The following L3MBTL4 variants were observed in gnomAD, a reference collection of about 807,000 sequenced individuals.
L3MBTL4 encodes lethal(3)malignant brain tumor-like protein 4.
In L3MBTL4, 70 loss-of-function variants were observed where a neutral mutation model predicts 84.5. The observed-to-expected ratio is 0.83, with a 90% CI of 0.68 to 1.01. L3MBTL4 has a LOEUF of 1.01. Among genes scored for constraint, L3MBTL4 ranks in the 50% least tolerant of loss-of-function variants. L3MBTL4 has a pLI of 0.00. For synonymous variants in L3MBTL4, 274 were observed against 259.8 expected (o/e 1.05, Z -0.52); for missense variants, 715 against 754.8 (o/e 0.95, Z 0.62).
intron 10 of L3MBTL4, among the ~76,000 whole-genome samples, chr18:6,237,506 T>G (rs71360024): frequency 7.2e-6 from 1 of 138,332 alleles, no homozygotes; most frequent in Admixed American, 7.7e-5. Context: ...CCCAGGCTGG[T>G]GTGCAGTGAC....
chr18:6,063,375 G>T (rs1410169618), intron 16 of L3MBTL4, among the ~76,000 whole-genome samples: 2 of 148,832 alleles, frequency 1.3e-5, no homozygotes, highest in East Asian at 2.0e-4. Flanking sequence ...CCTTTGGGTA[G>T]ATACCCAGTA....
chr18:6,072,578 C>T (rs567309229), intron 16 of L3MBTL4, among the ~76,000 whole-genome samples: 5 of 151,490 alleles, frequency 3.3e-5, no homozygotes, highest in South Asian at 4.2e-4. Context: ...CGGTGGCTCA[C>T]GCTTGTAATC....
intron 15 of L3MBTL4, among the ~76,000 whole-genome samples, chr18:6,083,639 C>G (rs1598688874): frequency 6.6e-6 from 1 of 152,182 alleles, no homozygotes; most frequent in African/African-American, 2.4e-5. Flanking sequence ...CAGGGATGTA[C>G]TACTGTTGCA....
At chr18:6,078,429 A>G (rs2057939868) in intron 16 of L3MBTL4, among the ~76,000 whole-genome samples, 3 of 145,576 alleles carry the variant, frequency 2.1e-5, no homozygotes, top group African/African-American at 7.8e-5. Flanking sequence ...TCCACCTCAA[A>G]AAAAAAAAAC....
intron 16 of L3MBTL4, among the ~76,000 whole-genome samples, chr18:6,078,242 C>T (rs1427698981): frequency 6.6e-6 from 1 of 150,698 alleles, no homozygotes; most frequent in Non-Finnish European, 1.5e-5. Context: ...GCCTGGGCAA[C>T]ATGGTGAAAC....
At chr18:6,323,606 A>T (rs986792473) in intron 1 of L3MBTL4, among the ~76,000 whole-genome samples, 4 of 152,234 alleles carry the variant, frequency 2.6e-5, no homozygotes, top group Non-Finnish European at 5.9e-5. Context: ...ATCTGGTGGA[A>T]AAAGTTCCTA....
At chr18:6,235,171 G>T (rs529727565) in intron 10 of L3MBTL4, among the ~76,000 whole-genome samples, 1 of 152,214 alleles carries the variant, frequency 6.6e-6, no homozygotes, top group African/African-American at 2.4e-5. Flanking sequence ...CCTGTTGTGG[G>T]GTTGGGAGCA....
At chr18:6,332,765 C>T (rs2052107568) in intron 1 of L3MBTL4, among the ~76,000 whole-genome samples, 1 of 152,240 alleles carries the variant, frequency 6.6e-6, no homozygotes, top group Non-Finnish European at 1.5e-5. Context: ...CACCCCAGTA[C>T]TGCTGCTCAG....
At chr18:6,209,269 A>G (rs577201678) in intron 12 of L3MBTL4, among the ~76,000 whole-genome samples, 2 of 152,246 alleles carry the variant, frequency 1.3e-5, no homozygotes, top group East Asian at 3.9e-4. Flanking sequence ...TACTACTTCT[A>G]TTACTTCTGA....
intron 16 of L3MBTL4, among the ~76,000 whole-genome samples, chr18:5,983,956 G>A (rs1375064193): frequency 6.6e-6 from 1 of 152,144 alleles, no homozygotes; most frequent in Non-Finnish European, 1.5e-5. Context: ...CTAACACCCA[G>A]GCTGGAGTGC....
At chr18:6,073,633 G>C (rs966611675) in intron 16 of L3MBTL4, among the ~76,000 whole-genome samples, 7 of 152,096 alleles carry the variant, frequency 4.6e-5, no homozygotes, top group African/African-American at 1.7e-4. Flanking sequence ...TAAAACACAG[G>C]GAGTTCTCAC....
At chr18:6,036,579 T>G (rs1171123495) in intron 16 of L3MBTL4, among the ~76,000 whole-genome samples, 1 of 152,216 alleles carries the variant, frequency 6.6e-6, no homozygotes, top group African/African-American at 2.4e-5. Context: ...CTTTAAAGTC[T>G]TTGGTGGAAA....
At chr18:5,978,661 T>C (rs1386027335) in intron 16 of L3MBTL4, among the ~76,000 whole-genome samples, 1 of 152,114 alleles carries the variant, frequency 6.6e-6, no homozygotes, top group Non-Finnish European at 1.5e-5. Flanking sequence ...TGCACAAAAC[T>C]GAAAGGCCCT....
intron 1 of L3MBTL4, among the ~76,000 whole-genome samples, chr18:6,349,636 C>T (rs1266989518): frequency 6.6e-6 from 1 of 152,112 alleles, no homozygotes; most frequent in Non-Finnish European, 1.5e-5. Flanking sequence ...AGGAGAATCA[C>T]TTGAGCTCAG....
At chr18:6,023,700 T>C (rs2055370639) in intron 16 of L3MBTL4, among the ~76,000 whole-genome samples, 2 of 152,220 alleles carry the variant, frequency 1.3e-5, no homozygotes, top group Admixed American at 6.5e-5. Flanking sequence ...CCTAGTCATA[T>C]ACCGTGATAA....
intron 16 of L3MBTL4, among the ~76,000 whole-genome samples, chr18:5,997,545 G>T (rs899825889): frequency 2.0e-5 from 3 of 152,152 alleles, no homozygotes; most frequent in African/African-American, 7.2e-5. Flanking sequence ...TGTATTTCAA[G>T]AAAAGCTAAT....
Position 6,393,177 on chromosome 18 carries a change from C to T in L3MBTL4, c.-91+21624G>A, listed in dbSNP as rs557024789. ...ATTCAACGGGCCAAATGTAATCACA[C>T]ATTATATGAATCACAAATATTTGCT... On this transcript the variant is annotated intron_variant, in intron 1 of 18. Coordinates refer to ENST00000317931, the MANE Select transcript of L3MBTL4 (RefSeq NM_001330559.2). Among the ~76,000 whole-genome samples the T allele has an allele frequency of 1.5e-4, 23 of 152,314 alleles. No individual in the cohort carries two copies. The East Asian group carries it at 3.3e-3, about 22-fold the overall frequency.
intron 1 of L3MBTL4, among the ~76,000 whole-genome samples, chr18:6,398,620 A>G (rs1468703718): frequency 3.3e-5 from 5 of 152,174 alleles, no homozygotes; most frequent in Non-Finnish European, 7.3e-5. Flanking sequence ...AGCATATGCC[A>G]GAAGTCTGAG....
At chr18:6,259,630 T>A (rs555988871) in intron 5 of L3MBTL4, 1 of 152,226 alleles carries the variant, frequency 6.6e-6, no homozygotes, top group South Asian at 2.1e-4. Context: ...CCATTTTTAA[T>A]GGGTTAATTG....
Sources: gnomAD v4.1 joint callset for allele counts (sites outside exome capture counted in the v4.1 genomes callset) on GRCh38, gnomAD v4.1.1 for gene constraint, MANE v1.5 for transcripts, NCBI Gene and HGNC (gene_info 2026-07-23, HGNC 2026-07-21) for gene names.